The following ODF2L variants were observed in gnomAD, a reference collection of about 807,000 sequenced individuals.
ODF2L encodes outer dense fiber of sperm tails 2 like, also known as protein BCAP.
ODF2L carries 76 observed loss-of-function variants against 86.3 expected under a neutral mutation model. The observed-to-expected ratio is 0.88, with a 90% CI of 0.73 to 1.07. The LOEUF (loss-of-function observed/expected upper bound fraction) is 1.07, where lower values mean the gene tolerates loss of function less well. ODF2L is among the 50% of genes least tolerant of loss of function. The pLI is 0.00. For missense variants in ODF2L, 748 were observed against 717.4 expected (o/e 1.04, Z -0.49); for synonymous variants, 241 against 231.3 (o/e 1.04, Z -0.38).
intron 11 of ODF2L, among the ~76,000 whole-genome samples, chr1:86,365,034 ACAAAT>A (rs1659306138): frequency 6.6e-6 from 1 of 152,186 alleles, no homozygotes; most frequent in Admixed American, 6.5e-5. Context: ...AAAATGTGAG[ACAAAT>A]CAAATTTCTA....
At chr1:86,375,316 T>C (rs992051391) in intron 8 of ODF2L, among the ~76,000 whole-genome samples, 1 of 152,154 alleles carries the variant, frequency 6.6e-6, no homozygotes, top group African/African-American at 2.4e-5. Flanking sequence ...TTCTCATTTA[T>C]CTCTCCCTAC....
chr1:86,358,847 A>C (rs750609762), exon 13 of ODF2L: 1 of 1,549,872 alleles, frequency 6.5e-7, no homozygotes, highest in South Asian at 1.3e-5. Flanking sequence ...GCAAATTTTC[A>C]CATCTGCTTT....
At chr1:86,353,350 TTAAA>T (rs1658291515) in intron 16 of ODF2L, among the ~76,000 whole-genome samples, 1 of 152,158 alleles carries the variant, frequency 6.6e-6, no homozygotes, top group Admixed American at 6.5e-5. Context: ...AAATTTCTTG[TTAAA>T]TACTCATTAT....
Position 86,355,230 on chromosome 1 carries a change from C to G in ODF2L, c.1519-371G>C, listed in dbSNP as rs943775573. 6 of 704,770 alleles carry G rather than the reference C, an allele frequency of 8.5e-6. No individual in the cohort carries two copies. The African/African-American group carries it at 1.1e-4, about 13-fold the overall frequency. The allele number at this position is 704,770 out of a possible 1,614,324, so 43.7% of individuals were successfully genotyped here. A position where few individuals can be genotyped will look rare whatever the true frequency, so the allele number is the denominator to read the frequency against. Reference sequence around the variant, plus strand: ...TACCTAGGGTTTCTCTTATGGTTTTCTGTTTCACCTAAAAATACTGATTAA... The same window carrying G: ...TACCTAGGGTTTCTCTTATGGTTTTGTGTTTCACCTAAAAATACTGATTAA... On this transcript the variant is annotated intron_variant, in intron 14 of 17. Coordinates refer to ENST00000317336, the Ensembl canonical transcript of ODF2L.
At chr1:86,355,522 G>A (rs1419484322) in intron 14 of ODF2L, 7 of 617,928 alleles carry the variant, frequency 1.1e-5, no homozygotes, top group East Asian at 2.8e-5. Flanking sequence ...CTAAAATTTT[G>A]TCTGCATATT....
At chr1:86,384,631 G>A in intron 4 of ODF2L, 45 bp downstream of exon 4, 1 of 1,204,682 alleles carries the variant, frequency 8.3e-7, no homozygotes. Context: ...TCCTTCAAAT[G>A]AGAAATATCA....
intron 7 of ODF2L, among the ~76,000 whole-genome samples, chr1:86,376,627 C>A (rs1208642033): frequency 6.6e-6 from 1 of 152,104 alleles, no homozygotes; most frequent in South Asian, 2.1e-4. Flanking sequence ...AGGAAACTTA[C>A]AATCATTGTA....
exon 15 of ODF2L, chr1:86,354,843 T>C (rs1248662017): frequency 8.7e-6 from 14 of 1,601,138 alleles, no homozygotes; most frequent in East Asian, 6.7e-5. Context: ...TGTCAGAAGA[T>C]TGTGATTTCC....
intron 8 of ODF2L, 169 bp from the exon 9 acceptor site, chr1:86,372,709 C>CA: frequency 2.5e-6 from 1 of 398,634 alleles, no homozygotes; most frequent in African/African-American, 2.1e-5. Flanking sequence ...TTCATAATTG[C>CA]AAAAATATGG....
At chr1:86,353,862 A>G (rs1326147221) in intron 16 of ODF2L, among the ~76,000 whole-genome samples, 1 of 152,188 alleles carries the variant, frequency 6.6e-6, no homozygotes, top group Non-Finnish European at 1.5e-5. Context: ...TGGCACTCTC[A>G]CGTGGGCAGA....
chr1:86,388,461 T>A (rs1338005744), intron 1 of ODF2L, among the ~76,000 whole-genome samples: 1 of 152,080 alleles, frequency 6.6e-6, no homozygotes, highest in Non-Finnish European at 1.5e-5. Flanking sequence ...AGAAAGAATG[T>A]CTTTTTTATA....
At chr1:86,359,651 A>G (rs1251672393) in intron 12 of ODF2L, among the ~76,000 whole-genome samples, 1 of 151,156 alleles carries the variant, frequency 6.6e-6, no homozygotes, top group Non-Finnish European at 1.5e-5. Context: ...AGCCTCCTGA[A>G]TAGCTGAGAC....
In ODF2L at chr1:86,370,310, G is replaced by A. The variant is rs76897162; in HGVS notation, c.1056+708C>T. 0.011 allele frequency among the ~76,000 whole-genome samples: 1,681 copies of A among 152,068 alleles called. 65 individuals carry two copies. The East Asian group carries it at 0.11, about 10-fold the overall frequency. ...AATATCATTTAGTTAATTCTAAATA[G>A]AATTAAACTGTTATAAATACAACAA... is the stretch of plus-strand genomic sequence containing the variant. On this transcript the variant is annotated intron_variant, in intron 10 of 17. Coordinates refer to ENST00000317336, the Ensembl canonical transcript of ODF2L.
At position 86,358,880 on chromosome 1, in the gene ODF2L, CA is replaced by C; in HGVS notation, c.1265del (p.Leu422CysfsTer7). ...TTTTTACTATTTCAGCTGCTTCTTG[CA>C]ACTTTTGTACCTGAAAATAAAGTAT... On this transcript the variant is annotated frameshift_variant, in exon 13 of 18. Coordinates refer to ENST00000317336, the Ensembl canonical transcript of ODF2L. LOFTEE classifies it high-confidence loss of function. 8 of 1,512,276 alleles carry C rather than the reference CA, an allele frequency of 5.3e-6. No individual in the cohort carries two copies. Among genetic ancestry groups the C allele is most frequent in the Non-Finnish European group, 7.2e-6 (8 of 1,118,766 alleles). The allele number at this position is 1,512,276 out of a possible 1,614,324, so 93.7% of individuals were successfully genotyped here.
Position 86,360,419 on chromosome 1 carries a change from T to C in ODF2L, c.1254+7A>G. 3 of 1,210,600 alleles carry C rather than the reference T, an allele frequency of 2.5e-6. No homozygotes were observed. Among genetic ancestry groups the C allele is most frequent in the South Asian group, 1.3e-5 (1 of 77,480 alleles). 75.0% of individuals were successfully genotyped at this position (1,210,600 alleles called of 1,614,324 possible). ...TTAGTAAACACTAAAATAAATGCAG[T>C]AGTCACCTGAGTTTTATACATTTCA... On this transcript the variant is annotated splice_region_variant and intron_variant, in intron 12 of 17. Transcript: ENST00000317336.
intron 7 of ODF2L, among the ~76,000 whole-genome samples, chr1:86,377,563 C>T (rs1033566287): frequency 2.6e-5 from 4 of 152,232 alleles, no homozygotes; most frequent in Non-Finnish European, 5.9e-5. Flanking sequence ...TCTGCCTGGA[C>T]ATCCAGGCAC....
chr1:86,385,798 A>T (rs1660914877), intron 2 of ODF2L: 1 of 401,810 alleles, frequency 2.5e-6, no homozygotes, highest in East Asian at 3.9e-5. Context: ...CACAAAAGTT[A>T]TTTGGATTAA....
At chr1:86,359,584 T>G (rs1341073120) in intron 12 of ODF2L, among the ~76,000 whole-genome samples, 4 of 144,866 alleles carry the variant, frequency 2.8e-5, no homozygotes, top group African/African-American at 1.0e-4. Context: ...AGCACATTGG[T>G]GCAGTCTCGG....
exon 17 of ODF2L, chr1:86,352,949 C>G (rs773698780): frequency 6.5e-7 from 1 of 1,537,008 alleles, no homozygotes; most frequent in Admixed American, 1.8e-5. Flanking sequence ...GTAAAGCACT[C>G]TCTCTAGATG....
Sources: gnomAD v4.1 joint callset for allele counts (sites outside exome capture counted in the v4.1 genomes callset) on GRCh38, gnomAD v4.1.1 for gene constraint, MANE v1.5 for transcripts, NCBI Gene and HGNC (gene_info 2026-07-23, HGNC 2026-07-21) for gene names.